Variants in DPH6 observed in about 807,000 individuals in gnomAD.
DPH6 encodes the protein diphthamine biosynthesis 6.
DPH6 carries 33 observed loss-of-function variants against 38.2 expected under a neutral mutation model. The observed-to-expected ratio is 0.86, with a 90% CI of 0.65 to 1.15. DPH6 has a LOEUF of 1.15. DPH6 is among the 50% of genes most tolerant of loss of function. DPH6 has a pLI of 0.00. For missense variants in DPH6, 325 were observed against 320.0 expected (o/e 1.02, Z -0.12); for synonymous variants, 108 against 103.0 (o/e 1.05, Z -0.30).
At position 35,245,992 on chromosome 15, in the gene DPH6, C is replaced by A. The variant is rs1426339127; in HGVS notation, n.201-25410G>T. Among the ~76,000 whole-genome samples the A allele has an allele frequency of 4.6e-5, 7 of 152,196 alleles. No individual in the cohort carries two copies. The East Asian group carries it at 1.2e-3, about 25-fold the overall frequency. On this transcript the variant is annotated intron_variant and non_coding_transcript_variant, in intron 3 of 3. Coordinates refer to the DPH6 transcript ENST00000560386. ...TGAAAATGGCCGGTTCCTGCCTTAA[C>A]TGATGACATTACCTTGTGAAATTCC...
At chr15:35,496,567 A>AAAAAATATATATATAT in intron 3 of DPH6, among the ~76,000 whole-genome samples, 12 of 31,012 alleles carry the variant, frequency 3.9e-4, no homozygotes, top group African/African-American at 5.5e-4. Context: ...AAAAAAAAAA[A>AAAAAATATATATATAT]ATATATATAT....
intron 3 of DPH6, among the ~76,000 whole-genome samples, chr15:35,361,124 A>T (rs544939004): frequency 6.6e-6 from 1 of 152,186 alleles, no homozygotes; most frequent in African/African-American, 2.4e-5. Flanking sequence ...ACTACGGGAG[A>T]ATAGGGCTGT....
intron 3 of DPH6, among the ~76,000 whole-genome samples, chr15:35,227,443 A>G (rs954075553): frequency 7.2e-5 from 11 of 151,904 alleles, no homozygotes; most frequent in Non-Finnish European, 1.5e-4. Flanking sequence ...TCGGCCTCCC[A>G]AAGTGCTGGG....
Position 35,273,582 on chromosome 15 carries a change from G to A in DPH6, n.201-53000C>T, listed in dbSNP as rs370783401. On this transcript the variant is annotated intron_variant and non_coding_transcript_variant, in intron 3 of 3. Transcript: ENST00000560386. ...AAGTCTCAGGATACAAAATCAATGT[G>A]CAAAAATCACAAGCATTCCTATACA... 9.5e-4 allele frequency among the ~76,000 whole-genome samples: 144 copies of A among 152,244 alleles called. 3 individuals are homozygous for A. In the South Asian group the frequency reaches 0.027, roughly 29 times the overall value.
intron 3 of DPH6, among the ~76,000 whole-genome samples, chr15:35,325,644 A>G (rs1340000879): frequency 6.6e-6 from 1 of 152,150 alleles, no homozygotes; most frequent in Non-Finnish European, 1.5e-5. Flanking sequence ...AGAAGATATC[A>G]TAACATTTCT....
chr15:35,441,496 T>TG (rs1372359197), intron 5 of DPH6, among the ~76,000 whole-genome samples: 2 of 152,226 alleles, frequency 1.3e-5, no homozygotes, highest in Non-Finnish European at 2.9e-5. Flanking sequence ...AAGGATGAGT[T>TG]CGTCGCCTTT....
intron 3 of DPH6, chr15:35,237,587 C>G (rs1242148049): frequency 1.6e-5 from 26 of 1,584,636 alleles, no homozygotes; most frequent in Non-Finnish European, 2.1e-5. Context: ...AGAAAAGTGT[C>G]CGAACCTCAC....
intron 3 of DPH6, among the ~76,000 whole-genome samples, chr15:35,239,077 A>T (rs113877925): frequency 0.16 from 23,518 of 142,618 alleles, 5,402 homozygotes; most frequent in African/African-American, 0.38. Flanking sequence ...GTGCTGTGAC[A>T]TGGATCGGGG....
At chr15:35,282,299 G>A (rs1222183972) in intron 3 of DPH6, among the ~76,000 whole-genome samples, 2 of 152,132 alleles carry the variant, frequency 1.3e-5, no homozygotes, top group Non-Finnish European at 2.9e-5. Context: ...AGCCTCCCAA[G>A]CAGGTGGGAC....
intron 6 of DPH6, among the ~76,000 whole-genome samples, chr15:35,390,044 CA>C (rs762967572): frequency 7.2e-5 from 11 of 152,136 alleles, no homozygotes; most frequent in African/African-American, 1.2e-4. Context: ...CTGGTGGTGA[CA>C]AAAATCTCTC....
chr15:35,469,700 G>C lies in DPH6; in HGVS notation c.313-14880C>G, dbSNP rs115417539. 4.6e-5 allele frequency among the ~76,000 whole-genome samples: 7 copies of C among 152,182 alleles called. No homozygotes were observed. The East Asian group carries it at 1.3e-3, about 29-fold the overall frequency. ...CTTATGTGCCTTTAGGTCATTCAAT[G>C]CAAGGTATCCAGTAGACAGTTGGTT... On this transcript the variant is annotated intron_variant, in intron 3 of 8. Transcript: ENST00000256538.
intron 6 of DPH6, among the ~76,000 whole-genome samples, chr15:35,398,267 C>T (rs976623716): frequency 1.3e-5 from 2 of 152,124 alleles, no homozygotes; most frequent in African/African-American, 4.8e-5. Flanking sequence ...AATGAGGTGA[C>T]CCTTGGTGGG....
At chr15:35,171,600 C>T in the DPH6 span, among the ~76,000 whole-genome samples, 1 of 151,818 alleles carries the variant, frequency 6.6e-6, no homozygotes, top group African/African-American at 2.4e-5. Context: ...TTTTGTAGAA[C>T]CAAGCAAGAT....
intron 3 of DPH6, among the ~76,000 whole-genome samples, chr15:35,464,035 C>T (rs7172404): frequency 0.033 from 4,993 of 152,296 alleles, 258 homozygotes; most frequent in African/African-American, 0.11. Context: ...GTGGCTCACA[C>T]ATGTAATCTC....
intron 3 of DPH6, among the ~76,000 whole-genome samples, chr15:35,261,846 T>C (rs1257219054): frequency 7.3e-6 from 1 of 136,062 alleles, no homozygotes; most frequent in Admixed American, 7.4e-5. Context: ...AAAAAAAAAA[T>C]GAAACTCTTC....
intron 3 of DPH6, among the ~76,000 whole-genome samples, chr15:35,277,919 AT>A (rs2051870114): frequency 6.6e-6 from 1 of 152,208 alleles, no homozygotes; most frequent in African/African-American, 2.4e-5. Flanking sequence ...ACAGGAGCAA[AT>A]AAATGACTTA....
intron 3 of DPH6, among the ~76,000 whole-genome samples, chr15:35,350,322 G>GTTTTTTTTTT (rs60012895): frequency 7.1e-6 from 1 of 139,902 alleles, no homozygotes; most frequent in Non-Finnish European, 1.6e-5. Flanking sequence ...ACTGGAGTCT[G>GTTTTTTTTTT]TTTTTTTTTT....
At chr15:35,246,146 T>C (rs2051636661) in intron 3 of DPH6, among the ~76,000 whole-genome samples, 1 of 151,990 alleles carries the variant, frequency 6.6e-6, no homozygotes, top group South Asian at 2.1e-4. Context: ...CACCCCTATC[T>C]CCCTTTGCTG....
intron 3 of DPH6, among the ~76,000 whole-genome samples, chr15:35,285,872 G>GTTTTTTTTGTTTTTTTTTTTTTTTTTT: frequency 1.9e-5 from 1 of 52,808 alleles, no homozygotes; most frequent in Non-Finnish European, 3.3e-5. Flanking sequence ...TTATCTTTGA[G>GTTTTTTTTGTTTTTTTTTTTTTTTTTT]TTTTTTTTTT....
Sources: gnomAD v4.1 joint callset for allele counts (sites outside exome capture counted in the v4.1 genomes callset) on GRCh38, gnomAD v4.1.1 for gene constraint, MANE v1.5 for transcripts, NCBI Gene and HGNC (gene_info 2026-07-23, HGNC 2026-07-21) for gene names.